KAZN: variants seen among roughly 807,000 people sequenced by gnomAD.
The protein encoded by KAZN is kazrin, periplakin interacting protein.
In KAZN, 40 loss-of-function variants were observed where a neutral mutation model predicts 87.4. That is an observed-to-expected ratio of 0.46 (90% CI 0.36 to 0.60). KAZN has a LOEUF of 0.60. KAZN is among the 20% of genes least tolerant of loss of function. The pLI is 0.00. For synonymous variants in KAZN, 466 were observed against 458.3 expected (o/e 1.02, Z -0.22); for missense variants, 898 against 1,073.9 (o/e 0.84, Z 2.29).
At chr1:14,033,533 G>A (rs561367255) in intron 1 of KAZN, among the ~76,000 whole-genome samples, 4 of 152,350 alleles carry the variant, frequency 2.6e-5, no homozygotes, top group Admixed American at 2.6e-4. Flanking sequence ...GGACAGGGCT[G>A]CAAGCACAGG....
chr1:14,671,804 C>T (rs549908524), intron 1 of KAZN, among the ~76,000 whole-genome samples: 38 of 152,252 alleles, frequency 2.5e-4, no homozygotes, highest in African/African-American at 9.1e-4. Flanking sequence ...AGTTCTTGCC[C>T]CGTATTTTTT....
At chr1:15,106,956 C>T (rs777831085) in intron 13 of KAZN, among the ~76,000 whole-genome samples, 4 of 151,992 alleles carry the variant, frequency 2.6e-5, no homozygotes, top group Non-Finnish European at 4.4e-5. Context: ...GCCAGGGGAT[C>T]GGAGGAGTCA....
At chr1:14,379,996 C>T (rs1252053167) in intron 2 of KAZN, among the ~76,000 whole-genome samples, 1 of 152,178 alleles carries the variant, frequency 6.6e-6, no homozygotes, top group Non-Finnish European at 1.5e-5. Context: ...TTTATATCAC[C>T]CCACCTCCAG....
chr1:15,045,819 C>T lies in KAZN; in HGVS notation c.726+1660C>T, dbSNP rs148738261. Among the ~76,000 whole-genome samples the T allele has an allele frequency of 6.2e-4, 95 of 152,240 alleles. 1 individual carries two copies. The highest frequency in any genetic ancestry group is 5.4e-3 in the East Asian group (28 of 5,178). ...CACACGCTTATGAACCATCAGATCT[C>T]GTTAGCATTCTATCACTATCACGAG... is the stretch of plus-strand genomic sequence containing the variant. On this transcript the variant is annotated intron_variant, in intron 4 of 14. Coordinates refer to ENST00000376030, the MANE Select transcript of KAZN (RefSeq NM_201628.3).
intron 1 of KAZN, among the ~76,000 whole-genome samples, chr1:14,101,167 C>T (rs918905308): frequency 5.3e-4 from 80 of 152,274 alleles, no homozygotes; most frequent in African/African-American, 1.8e-3. Flanking sequence ...TTCCCAGATG[C>T]CCACTAAAAG....
intron 2 of KAZN, among the ~76,000 whole-genome samples, chr1:14,478,502 T>C (rs1668897726): frequency 6.6e-6 from 1 of 152,182 alleles, no homozygotes. Flanking sequence ...TTTCCTTCCA[T>C]AGGACAACCT....
intron 1 of KAZN, among the ~76,000 whole-genome samples, chr1:14,726,999 T>A (rs900118214): frequency 6.6e-6 from 1 of 152,212 alleles, no homozygotes; most frequent in Non-Finnish European, 1.5e-5. Flanking sequence ...CTCCAGAAGC[T>A]GTGCCTTGAG....
At chr1:15,046,824 G>A (rs1032658626) in intron 4 of KAZN, among the ~76,000 whole-genome samples, 80 of 152,316 alleles carry the variant, frequency 5.3e-4, no homozygotes, top group African/African-American at 1.8e-3. Context: ...GCTGCTGCGT[G>A]CAGCCCAGAA....
At chr1:13,959,583 C>G (rs1641676199) in intron 1 of KAZN, among the ~76,000 whole-genome samples, 1 of 152,204 alleles carries the variant, frequency 6.6e-6, no homozygotes, top group Non-Finnish European at 1.5e-5. Flanking sequence ...CTCGCACCCT[C>G]AGGGCCTTTG....
At chr1:14,714,743 A>C in intron 1 of KAZN, among the ~76,000 whole-genome samples, 1 of 150,096 alleles carries the variant, frequency 6.7e-6, no homozygotes, top group Non-Finnish European at 1.5e-5. Flanking sequence ...CTTGGTTTTC[A>C]CACTTTGGGG....
At chr1:14,843,042 G>A (rs944664015) in intron 1 of KAZN, among the ~76,000 whole-genome samples, 6 of 151,986 alleles carry the variant, frequency 3.9e-5, no homozygotes, top group Admixed American at 2.0e-4. Flanking sequence ...GCTCTCTTTG[G>A]CCCCCTCCCT....
chr1:14,669,782 C>T (rs537631757), intron 1 of KAZN, among the ~76,000 whole-genome samples: 1 of 152,060 alleles, frequency 6.6e-6, no homozygotes, highest in Non-Finnish European at 1.5e-5. Flanking sequence ...ATAATAAAAC[C>T]GAGGCCCTGT....
chr1:14,992,512 C>G (rs927279394), intron 2 of KAZN, among the ~76,000 whole-genome samples: 6 of 152,200 alleles, frequency 3.9e-5, no homozygotes, highest in African/African-American at 1.4e-4. Flanking sequence ...GCCCAGTGGC[C>G]CCTCCTCCAG....
rs36060158 is a variant in KAZN at position 14,591,418 on chromosome 1, A to AACACACACAC, written c.250-7542_250-7533dup. 7.3e-4 allele frequency among the ~76,000 whole-genome samples: 107 copies of AACACACACAC among 147,390 alleles called. 1 individual carries two copies. Among genetic ancestry groups the AACACACACAC allele is most frequent in the Middle Eastern group, 6.9e-3 (2 of 290 alleles). On this transcript the variant is annotated intron_variant, in intron 2 of 16. Transcript: ENST00000636203. ...TAAGGCCCCGAACAGGGAAAGAAGA[A>AACACACACAC]ACACACACACACACACACACACACA... is the stretch of plus-strand genomic sequence containing the variant.
chr1:14,048,118 T>G (rs556955026), intron 1 of KAZN, among the ~76,000 whole-genome samples: 1 of 152,306 alleles, frequency 6.6e-6, no homozygotes, highest in South Asian at 2.1e-4. Context: ...TTTTTCTCTA[T>G]CACAAAGGTG....
chr1:14,279,369 C>T (rs1270256098), intron 2 of KAZN, among the ~76,000 whole-genome samples: 1 of 152,206 alleles, frequency 6.6e-6, no homozygotes, highest in Non-Finnish European at 1.5e-5. Context: ...TGCCTCTCCA[C>T]CCTCATGTGC....
At chr1:14,390,536 T>C (rs1197482390) in intron 2 of KAZN, 2 of 152,122 alleles carry the variant, frequency 1.3e-5, no homozygotes, top group Non-Finnish European at 2.9e-5. Flanking sequence ...AGAACAGCAT[T>C]TGTGAATGCC....
At chr1:14,003,650 T>C (rs979262383) in intron 1 of KAZN, among the ~76,000 whole-genome samples, 1 of 152,160 alleles carries the variant, frequency 6.6e-6, no homozygotes, top group Admixed American at 6.5e-5. Context: ...TTTCAATAAA[T>C]GCTGCCAAGT....
intron 2 of KAZN, among the ~76,000 whole-genome samples, chr1:14,414,277 A>C (rs1664558120): frequency 6.6e-6 from 1 of 151,100 alleles, no homozygotes; most frequent in African/African-American, 2.4e-5. Context: ...TACGGAAAAG[A>C]CTCCCACGAG....
Sources: allele counts gnomAD v4.1 joint callset (sites outside exome capture counted in the v4.1 genomes callset), GRCh38; gene constraint gnomAD v4.1.1; transcripts MANE v1.5; gene names NCBI Gene and HGNC (gene_info 2026-07-23, HGNC 2026-07-21).